The following PRDM5 variants were observed in gnomAD, a reference collection of about 807,000 sequenced individuals.
The protein encoded by PRDM5 is PR domain zinc finger protein 5.
In PRDM5, 56 loss-of-function variants were observed where a neutral mutation model predicts 81.2. The ratio of observed to expected loss-of-function variants is 0.69; its 90% CI spans 0.56 to 0.86. The LOEUF is 0.86. Ranked by LOEUF, PRDM5 falls within the 40% of genes least tolerant of loss-of-function variation. The pLI is 0.00. For missense variants in PRDM5, 697 were observed against 770.1 expected (o/e 0.91, Z 1.12); for synonymous variants, 267 against 256.4 (o/e 1.04, Z -0.39).
intron 12 of PRDM5, 144 bp from the exon 13 acceptor site, chr4:120,777,425 A>C: frequency 7.0e-7 from 1 of 1,436,092 alleles, no homozygotes. Context: ...ATTTTAAACA[A>C]TTTATGATGG....
chr4:120,914,910 C>G (rs1723939398), intron 1 of PRDM5, among the ~76,000 whole-genome samples: 1 of 152,104 alleles, frequency 6.6e-6, no homozygotes, highest in African/African-American at 2.4e-5. Flanking sequence ...GAATGAAAAA[C>G]CAAATACCAC....
intron 4 of PRDM5, among the ~76,000 whole-genome samples, chr4:120,820,578 G>T (rs1402897513): frequency 6.6e-6 from 1 of 152,220 alleles, no homozygotes; most frequent in Non-Finnish European, 1.5e-5. Context: ...ACTGAGGAAG[G>T]TCTGACCTAC....
chr4:120,701,658 G>A (rs1735389745), intron 15 of PRDM5, among the ~76,000 whole-genome samples: 1 of 152,054 alleles, frequency 6.6e-6, no homozygotes, highest in Non-Finnish European at 1.5e-5. Flanking sequence ...TAGCGACTGG[G>A]GACTAGTAGA....
At chr4:120,853,720 T>A (rs1253367235) in intron 2 of PRDM5, among the ~76,000 whole-genome samples, 180 bp from the exon 3 acceptor site, 1 of 152,224 alleles carries the variant, frequency 6.6e-6, no homozygotes, top group Non-Finnish European at 1.5e-5. Context: ...CAGCCTACTA[T>A]TTCATTTGGC....
intron 3 of PRDM5, among the ~76,000 whole-genome samples, chr4:120,827,981 A>C (rs1213691319): frequency 6.6e-6 from 1 of 152,112 alleles, no homozygotes; most frequent in Non-Finnish European, 1.5e-5. Context: ...ACTTAGAAGA[A>C]ATAACAGTAT....
At chr4:120,706,179 A>C (rs536406253) in intron 15 of PRDM5, among the ~76,000 whole-genome samples, 59 of 145,466 alleles carry the variant, frequency 4.1e-4, no homozygotes, top group African/African-American at 1.4e-3. Context: ...GAAACCTTAA[A>C]CTCTAGAATC....
intron 8 of PRDM5, among the ~76,000 whole-genome samples, chr4:120,808,679 A>C (rs1466814853): frequency 1.3e-5 from 2 of 152,104 alleles, no homozygotes; most frequent in African/African-American, 4.8e-5. Context: ...TCCTCCTGAG[A>C]GGCTCGGGCT....
chr4:120,803,892 A>G (rs572546712), intron 8 of PRDM5, among the ~76,000 whole-genome samples: 10 of 152,352 alleles, frequency 6.6e-5, no homozygotes, highest in African/African-American at 2.2e-4. Context: ...TGCTCCAATT[A>G]AAAGACACAG....
At position 120,720,418 on chromosome 4, in the gene PRDM5, C is replaced by T. The variant is rs191412534; in HGVS notation, c.1624-10005G>A. On this transcript the variant is annotated intron_variant, in intron 14 of 15. Transcript: ENST00000264808. Reference sequence around the variant, plus strand: ...GGGCTTTGAGACCAAAAGATGACTACTTGCTTCTATAAACCAAATTCGCAA... The same window carrying T: ...GGGCTTTGAGACCAAAAGATGACTATTTGCTTCTATAAACCAAATTCGCAA... 9.8e-5 allele frequency among the ~76,000 whole-genome samples: 15 copies of T among 152,300 alleles called. No homozygotes were observed. In the East Asian group the frequency reaches 1.5e-3, roughly 16 times the overall value.
chr4:120,688,424 A>G (rs1252591876), downstream of PRDM5, among the ~76,000 whole-genome samples: 2 of 152,074 alleles, frequency 1.3e-5, no homozygotes, highest in Non-Finnish European at 2.9e-5. Context: ...CTCCCATTGC[A>G]TAGGTTGCTT....
intron 10 of PRDM5, among the ~76,000 whole-genome samples, chr4:120,785,466 C>T (rs1014497760): frequency 1.3e-5 from 2 of 152,062 alleles, no homozygotes; most frequent in African/African-American, 4.8e-5. Flanking sequence ...TCTGCTGGTA[C>T]AACATTTGCA....
intron 12 of PRDM5, among the ~76,000 whole-genome samples, chr4:120,779,971 C>T (rs1036999247): frequency 6.6e-6 from 1 of 151,676 alleles, no homozygotes; most frequent in African/African-American, 2.4e-5. Context: ...ATAACTATAT[C>T]TACTATGTAC....
intron 11 of PRDM5, among the ~76,000 whole-genome samples, chr4:120,781,748 T>C (rs919491369): frequency 1.3e-5 from 2 of 152,004 alleles, no homozygotes; most frequent in Non-Finnish European, 2.9e-5. Flanking sequence ...AATTGGATTG[T>C]AGGTAGAGAG....
chr4:120,694,283 A>G lies in PRDM5; in HGVS notation c.*828T>C, dbSNP rs1420700020. The stretch of plus-strand genomic sequence containing the variant: ...GAGAATCTATTTGGTTTCTATTTTT[A>G]ATTATATATATTGGTATACTGTTAA... On this transcript the variant is annotated 3_prime_UTR_variant, in exon 16 of 16. Coordinates refer to ENST00000264808, the MANE Select transcript of PRDM5 (RefSeq NM_018699.4). 1 of 152,012 alleles carries G rather than the reference A, an allele frequency of 6.6e-6. No individual in the cohort carries two copies. Among genetic ancestry groups the G allele is most frequent in the Non-Finnish European group, 1.5e-5 (1 of 67,966 alleles). The allele number at this position is 152,012 out of a possible 1,614,324, so 9.4% of individuals were successfully genotyped here.
intron 2 of PRDM5, among the ~76,000 whole-genome samples, chr4:120,858,852 T>C (rs974340583): frequency 6.6e-6 from 1 of 152,208 alleles, no homozygotes; most frequent in Non-Finnish European, 1.5e-5. Context: ...AATATTTAAA[T>C]TTCAAGTGGA....
intron 8 of PRDM5, among the ~76,000 whole-genome samples, chr4:120,803,683 T>C (rs187385618): frequency 1.3e-5 from 2 of 152,294 alleles, no homozygotes; most frequent in East Asian, 3.9e-4. Context: ...AGGCCTGCCC[T>C]ACAAGAGCTC....
intron 15 of PRDM5, among the ~76,000 whole-genome samples, chr4:120,700,383 T>C (rs562683499): frequency 1.1e-4 from 16 of 152,332 alleles, no homozygotes; most frequent in African/African-American, 3.8e-4. Flanking sequence ...AACACCATTC[T>C]GGACAGAAGT....
At position 120,791,096 on chromosome 4, in the gene PRDM5, T is replaced by A. The variant is rs556796738; in HGVS notation, c.1189-6005A>T. Among the ~76,000 whole-genome samples, 4 of 152,338 alleles carry A rather than the reference T, an allele frequency of 2.6e-5. No homozygotes were observed. The South Asian group carries it at 8.3e-4, about 32-fold the overall frequency. ...AGTAAAATGGCATTTTATACACTGT[T>A]AAGAGAAAGTAGAGCTTTTCAGAAG... On this transcript the variant is annotated intron_variant, in intron 10 of 15. Transcript: ENST00000264808.
chr4:120,755,116 A>T (rs1744537653), intron 13 of PRDM5, among the ~76,000 whole-genome samples: 1 of 152,240 alleles, frequency 6.6e-6, no homozygotes, highest in South Asian at 2.1e-4. Context: ...AGAATTTCAT[A>T]AAATTGGTAT....
Sources: gnomAD v4.1 joint callset for allele counts (sites outside exome capture counted in the v4.1 genomes callset) on GRCh38, gnomAD v4.1.1 for gene constraint, MANE v1.5 for transcripts, NCBI Gene and HGNC (gene_info 2026-07-23, HGNC 2026-07-21) for gene names.